Variants in TSPEAR observed in about 807,000 individuals in gnomAD.
TSPEAR encodes the protein thrombospondin-type laminin G domain and EAR repeat-containing protein.
A neutral mutation model predicts 71.6 loss-of-function variants in TSPEAR; 69 were observed. That is an observed-to-expected ratio of 0.96 (90% confidence interval 0.79 to 1.18). TSPEAR has a LOEUF of 1.18. Among genes scored for constraint, TSPEAR ranks in the 50% most tolerant of loss-of-function variants. TSPEAR has a pLI of 0.00. For synonymous variants in TSPEAR, 402 were observed against 387.2 expected, an observed-to-expected ratio of 1.04 and a Z score of -0.45; for missense variants, 971 against 894.9, an observed-to-expected ratio of 1.09 and a Z score of -1.09.
chr21:44,706,338 C>G (rs377334034), intron 1 of TSPEAR, among the ~76,000 whole-genome samples: 1 of 152,032 alleles, frequency 6.6e-6, no homozygotes, highest in African/African-American at 2.4e-5. Flanking sequence ...CACGTGCACA[C>G]CCCCATGCAC....
At chr21:44,689,249 T>A (rs1987000499) in intron 1 of TSPEAR, among the ~76,000 whole-genome samples, 1 of 152,148 alleles carries the variant, frequency 6.6e-6, no homozygotes, top group African/African-American at 2.4e-5. Context: ...ACGCCTGTAA[T>A]CCCAGCACTT....
At chr21:44,701,836 G>T (rs1555951571) in intron 1 of TSPEAR, among the ~76,000 whole-genome samples, 1 of 151,854 alleles carries the variant, frequency 6.6e-6, no homozygotes, top group African/African-American at 2.4e-5. Flanking sequence ...CCCGTCCCGG[G>T]GTTGGGACCC....
intron 2 of TSPEAR, among the ~76,000 whole-genome samples, chr21:44,536,253 G>A (rs1305302808): frequency 2.0e-5 from 3 of 152,160 alleles, no homozygotes; most frequent in Admixed American, 6.5e-5. Context: ...GTGCTCCCTC[G>A]GCGTCCTCCG....
intron 2 of TSPEAR, among the ~76,000 whole-genome samples, chr21:44,556,619 G>A (rs771990718): frequency 6.6e-5 from 10 of 152,178 alleles, no homozygotes; most frequent in Non-Finnish European, 1.2e-4. Context: ...TTGAATCTGG[G>A]AGGTGGAGGT....
chr21:44,657,066 G>A (rs1985192993), intron 1 of TSPEAR, among the ~76,000 whole-genome samples: 1 of 152,046 alleles, frequency 6.6e-6, no homozygotes, highest in Admixed American at 6.6e-5. Context: ...GGACATACCA[G>A]TTTCTGAAGC....
chr21:44,556,179 C>T (rs1188195879), intron 2 of TSPEAR, among the ~76,000 whole-genome samples: 1 of 152,040 alleles, frequency 6.6e-6, no homozygotes, highest in Non-Finnish European at 1.5e-5. Flanking sequence ...AGTTCAAGAC[C>T]AGCCTGGCCA....
chr21:44,536,372 G>A (rs139609415), intron 2 of TSPEAR, among the ~76,000 whole-genome samples: 67 of 152,278 alleles, frequency 4.4e-4, no homozygotes, highest in African/African-American at 1.6e-3. Context: ...GAACCCATGG[G>A]TTTTTCTTTT....
chr21:44,708,007 G>GCACACACA (rs58196199), intron 1 of TSPEAR, among the ~76,000 whole-genome samples: 221 of 122,404 alleles, frequency 1.8e-3, no homozygotes, highest in African/African-American at 6.3e-3. Flanking sequence ...CCCCGCGCGT[G>GCACACACA]CACACACACA....
At position 44,594,591 on chromosome 21, in the gene TSPEAR, T is replaced by C. The variant is rs139966674; in HGVS notation, c.83-26586A>G. 8.4e-3 allele frequency among the ~76,000 whole-genome samples: 1,286 copies of C among 152,296 alleles called. 9 individuals carry two copies. The highest frequency in any genetic ancestry group is 0.017 in the Middle Eastern group (5 of 294). ...GAGTGAAAACAGGTCGTATGTTACA[T>C]GCATGTTTGTTCAGTTCCTCCTTCG... On this transcript the variant is annotated intron_variant, in intron 1 of 11. Coordinates refer to ENST00000323084, the MANE Select transcript of TSPEAR (RefSeq NM_144991.3).
At chr21:44,596,087 G>A (rs1980350157) in intron 1 of TSPEAR, among the ~76,000 whole-genome samples, 1 of 152,174 alleles carries the variant, frequency 6.6e-6, no homozygotes. Flanking sequence ...AGGTTCAATT[G>A]GAGAAGGATC....
intron 1 of TSPEAR, chr21:44,697,119 C>T: frequency 6.4e-7 from 1 of 1,570,284 alleles, no homozygotes; most frequent in Non-Finnish European, 8.6e-7. Flanking sequence ...CTCACTCACT[C>T]CCTCCTTCCC....
In TSPEAR at chr21:44,509,430, C is replaced by T. The variant is rs200467146; in HGVS notation, c.1567-44G>A. ...AGGTGCAGAGGTGTGGGGGAGCGGG[C>T]GCAGAGGTGTGGGGGAGCGGGCGCA... On this transcript the variant is annotated intron_variant, in intron 9 of 11. Coordinates refer to ENST00000323084, the MANE Select transcript of TSPEAR (RefSeq NM_144991.3). 128 of 1,288,346 alleles carry T rather than the reference C, an allele frequency of 9.9e-5. 1 individual carries two copies. The African/African-American group carries it at 1.4e-3, about 14-fold the overall frequency. The allele number at this position is 1,288,346 out of a possible 1,614,324, so 79.8% of individuals were successfully genotyped here. A position where few individuals can be genotyped will look rare whatever the true frequency, so the allele number is the denominator to read the frequency against.
intron 1 of TSPEAR, chr21:44,575,223 G>C: frequency 1.6e-6 from 1 of 617,554 alleles, no homozygotes. Flanking sequence ...TCCCATGGCA[G>C]TGGCCTCCCC....
chr21:44,569,144 T>C (rs2146074376), intron 1 of TSPEAR, among the ~76,000 whole-genome samples: 1 of 152,292 alleles, frequency 6.6e-6, no homozygotes, highest in South Asian at 2.1e-4. Flanking sequence ...ACAGCTGCAG[T>C]GAGACTTCGA....
chr21:44,648,704 C>T (rs9979226), intron 1 of TSPEAR, among the ~76,000 whole-genome samples: 2 of 152,162 alleles, frequency 1.3e-5, no homozygotes, highest in African/African-American at 4.8e-5. Flanking sequence ...AGGGCCGCAG[C>T]CTCCAGGGCA....
At chr21:44,666,583 A>C in intron 1 of TSPEAR, 1 of 1,612,418 alleles carries the variant, frequency 6.2e-7, no homozygotes, top group African/African-American at 1.3e-5. Flanking sequence ...CACAGGGAGG[A>C]CTGGCAGGAG....
chr21:44,689,712 A>AATATATATATATATAT (rs71199618), intron 1 of TSPEAR, among the ~76,000 whole-genome samples: 31 of 62,034 alleles, frequency 5.0e-4, no homozygotes, highest in African/African-American at 2.2e-3. Context: ...GAATAGAATG[A>AATATATATATATATAT]ATATATATAT....
chr21:44,680,358 A>T lies in TSPEAR; in HGVS notation c.82+31075T>A, dbSNP rs587721636. Among the ~76,000 whole-genome samples, 16 of 152,330 alleles carry T rather than the reference A, an allele frequency of 1.1e-4. No homozygotes were observed. In the South Asian group the frequency reaches 3.3e-3, roughly 32 times the overall value. On this transcript the variant is annotated intron_variant, in intron 1 of 11. Coordinates refer to ENST00000323084, the MANE Select transcript of TSPEAR (RefSeq NM_144991.3). ...CAATGAGATAGCATCATCTTACCCC[A>T]ATTAGAATGGCTATTATCAAAAAGA...
At chr21:44,614,562 T>C (rs1555931962) in intron 1 of TSPEAR, among the ~76,000 whole-genome samples, 1 of 152,216 alleles carries the variant, frequency 6.6e-6, no homozygotes. Context: ...CAGGGCCGTG[T>C]GGCCGGGCTC....
Sources: gnomAD v4.1 joint callset for allele counts (sites outside exome capture counted in the v4.1 genomes callset) on GRCh38, gnomAD v4.1.1 for gene constraint, MANE v1.5 for transcripts, NCBI Gene and HGNC (gene_info 2026-07-23, HGNC 2026-07-21) for gene names.